P2RX2: variants seen among roughly 807,000 people sequenced by gnomAD.
P2RX2 encodes the protein P2X purinoceptor 2.
Under a neutral mutation model 54.8 loss-of-function variants are expected in P2RX2, and 50 were observed. The observed-to-expected ratio is 0.91, with a 90% confidence interval of 0.73 to 1.15. The LOEUF is 1.15. Ranked by LOEUF, P2RX2 falls within the 50% of genes most tolerant of loss-of-function variation. The pLI, the probability that P2RX2 is intolerant of heterozygous loss-of-function variation, is 0.00. For missense variants in P2RX2, 658 were observed against 633.2 expected (o/e 1.04, Z -0.42); for synonymous variants, 289 against 259.4 (o/e 1.11, Z -1.09).
Position 132,620,907 on chromosome 12 carries a change from TTGTGACCC to T in P2RX2, c.775-93_775-86del. ...CTCTCGAGGGGCCTCTCGTGTGCCC[TTGTGACCC>T]CCTTCCCTGGCCTGGGACTGACCCG... On this transcript the variant is annotated intron_variant, in intron 7 of 10. Transcript: ENST00000643471. 251 of 174,742 alleles carry T rather than the reference TTGTGACCC, an allele frequency of 1.4e-3. 92 individuals carry two copies. Among genetic ancestry groups the T allele is most frequent in the East Asian group, 0.014 (12 of 870 alleles). The allele number at this position is 174,742 out of a possible 1,614,324, so 10.8% of individuals were successfully genotyped here.
At chr12:132,620,866 CTGGGA>C (rs2041636682) in intron 7 of P2RX2, 130 bp from the exon 8 acceptor site, 22 of 1,003,362 alleles carry the variant, frequency 2.2e-5, no homozygotes, top group African/African-American at 8.5e-5. Flanking sequence ...CACATGCAGC[CTGGGA>C]CTGACCCGGG....
At chr12:132,619,307 C>T (rs2041533179) in intron 1 of P2RX2, 132 bp from the exon 2 acceptor site, 1 of 955,136 alleles carries the variant, frequency 1.0e-6, no homozygotes, top group African/African-American at 1.8e-5. Context: ...GGGGCTGGGA[C>T]CGAGGGCGCG....
At position 132,621,980 on chromosome 12, in the gene P2RX2, T is replaced by C. The variant is rs1348407483; in HGVS notation, c.*8T>C. 3 of 1,613,436 alleles carry C rather than the reference T, an allele frequency of 1.9e-6. No homozygotes were observed. The South Asian group carries it at 3.3e-5, about 18-fold the overall frequency. On this transcript the variant is annotated 3_prime_UTR_variant, in exon 11 of 11. Transcript: ENST00000643471. The stretch of plus-strand genomic sequence containing the variant: ...GGTTTGGCTCAACTCTGAGCTCCTT[T>C]CCATCTCACTGGACTGCAGACCCGG...
chr12:132,620,426 C>G lies in P2RX2; in HGVS notation c.636-19C>G. On this transcript the variant is annotated intron_variant, in intron 6 of 10. Transcript: ENST00000643471. ...TGGGGTATTTGGGGTGCAGGTCTCGCCTCCTGCCGCCTCCTCAGGGGCAAC... is the reference window on the plus strand; with the variant it reads ...TGGGGTATTTGGGGTGCAGGTCTCGGCTCCTGCCGCCTCCTCAGGGGCAAC... 2 of 1,614,026 alleles carry G rather than the reference C, an allele frequency of 1.2e-6. No individual in the cohort carries two copies. Among genetic ancestry groups the G allele is most frequent in the Non-Finnish European group, 1.7e-6 (2 of 1,179,956 alleles).
chr12:132,620,948 G>T, intron 7 of P2RX2, 53 bp from the exon 8 acceptor site: 1 of 1,264,784 alleles, frequency 7.9e-7, no homozygotes. Flanking sequence ...CCGGGCTCTC[G>T]AGGGGCCTCT....
rs1286367250 is a variant in P2RX2, at chr12:132,618,856, G to A, written c.40G>A (p.Ala14Thr). 5.9e-6 allele frequency: 8 copies of A among 1,365,070 alleles called. No homozygotes were observed. The highest frequency in any genetic ancestry group is 2.9e-5 in the Admixed American group (1 of 34,028). The allele number at this position is 1,365,070 out of a possible 1,614,324, so 84.6% of individuals were successfully genotyped here. A position where few individuals can be genotyped will look rare whatever the true frequency, so the allele number is the denominator to read the frequency against. The part of the protein sequence containing the change: ...AQPKYPAGAT[A>T]RRLARGCWSA... ...GCCCAAGTACCCCGCCGGGGCGACC[G>A]CCCGGCGCCTGGCCCGGGGCTGCTG... Residue 14 changes from alanine (A) to threonine (T), a missense_variant, in exon 1 of 11, where the codon GCC becomes ACC. Transcript: ENST00000643471.
chr12:132,621,620 G>T lies in P2RX2; in HGVS notation c.1064G>T (p.Gly355Val). The T allele has an allele frequency of 6.2e-7, 1 of 1,612,880 alleles. No individual in the cohort carries two copies. Among genetic ancestry groups the T allele is most frequent in the Non-Finnish European group, 8.5e-7 (1 of 1,179,420 alleles). Residue 355 changes from glycine (G) to valine (V), a missense_variant and splice_region_variant, in exon 11 of 11, where the codon GGC (glycine) becomes GTC (valine). Physicochemically the swap from Gly to Val is moderately radical, Grantham distance 109 (BLOSUM62 -3). Transcript: ENST00000643471. ...CACACCGGTCTCTGCTGGCCCCAGG[G>T]CTCCTTCCTGTGCGACTGGATCTTG... ...LATALTSVGV[G>V]SFLCDWILLT...
Position 132,621,478 on chromosome 12 carries a change from G to C in P2RX2, c.1000G>C (p.Gly334Arg). 1 of 1,564,558 alleles carries C rather than the reference G, an allele frequency of 6.4e-7. No homozygotes were observed. The highest frequency in any genetic ancestry group is 8.7e-7 in the Non-Finnish European group (1 of 1,153,618). ...RIDVIVHGQAGKFSLIPTIIN... is the reference protein window; with the variant it reads ...RIDVIVHGQARKFSLIPTIIN... ...CCACGACCCCCATTCTCCCCAGGCCGGGAAGTTCAGCCTGATTCCCACCAT... is the reference window on the plus strand; with the variant it reads ...CCACGACCCCCATTCTCCCCAGGCCCGGAAGTTCAGCCTGATTCCCACCAT... Residue 334 changes from glycine to arginine, a missense_variant, in exon 10 of 11, where the codon GGG (glycine) becomes CGG (arginine). Gly to Arg is a moderately radical substitution (Grantham distance 125, BLOSUM62 -2). Coordinates refer to ENST00000643471, the MANE Select transcript of P2RX2 (RefSeq NM_170682.4).
Sources: allele counts gnomAD v4.1 joint callset, GRCh38; gene constraint gnomAD v4.1.1; transcripts MANE v1.5; gene names NCBI Gene and HGNC (gene_info 2026-07-23, HGNC 2026-07-21).